DPP10: variants seen among roughly 807,000 people sequenced by gnomAD.
DPP10 encodes the protein inactive dipeptidyl peptidase 10.
In DPP10, 33 loss-of-function variants were observed where a neutral mutation model predicts 120.9. The ratio of observed to expected loss-of-function variants is 0.27; its 90% CI spans 0.21 to 0.37. DPP10 has a LOEUF of 0.37. DPP10 is among the 10% of genes least tolerant of loss of function. The probability of loss-of-function intolerance (pLI) is 1.00; values close to 1 mark genes in which losing one functional copy is unlikely to be tolerated. For missense variants in DPP10, 816 were observed against 942.8 expected (o/e 0.87, Z 1.76); for synonymous variants, 337 against 326.1 (o/e 1.03, Z -0.36).
intron 1 of DPP10, among the ~76,000 whole-genome samples, chr2:114,893,668 T>G (rs1328022530): frequency 6.6e-6 from 1 of 152,160 alleles, no homozygotes; most frequent in East Asian, 1.9e-4. Context: ...AAGTTTGATC[T>G]TTACTTCATA....
At chr2:115,801,637 C>T (rs926271712) in intron 19 of DPP10, among the ~76,000 whole-genome samples, 3 of 152,088 alleles carry the variant, frequency 2.0e-5, no homozygotes, top group Non-Finnish European at 2.9e-5. Flanking sequence ...GAGTTTTTAG[C>T]ATGAAGCGCT....
chr2:115,703,317 G>A (rs1318651516), intron 7 of DPP10, among the ~76,000 whole-genome samples: 2 of 151,832 alleles, frequency 1.3e-5, no homozygotes, highest in African/African-American at 4.8e-5. Context: ...TTCCAGTTTT[G>A]TTTAAGTTTT....
intron 1 of DPP10, among the ~76,000 whole-genome samples, chr2:115,233,038 C>CTTCTTA (rs1559284867): frequency 1.9e-5 from 2 of 103,248 alleles, no homozygotes; most frequent in East Asian, 8.0e-4. Flanking sequence ...TGTCTATCGT[C>CTTCTTA]ATCTTAATCT....
At chr2:114,930,943 G>A (rs1696025331) in intron 1 of DPP10, among the ~76,000 whole-genome samples, 1 of 152,192 alleles carries the variant, frequency 6.6e-6, no homozygotes, top group African/African-American at 2.4e-5. Flanking sequence ...TTACCCCCAT[G>A]TCTCAAACAC....
At chr2:114,684,090 C>A (rs190788998) in intron 1 of DPP10, among the ~76,000 whole-genome samples, 139 of 152,014 alleles carry the variant, frequency 9.1e-4, no homozygotes, top group African/African-American at 3.1e-3. Flanking sequence ...GTCTCCATAC[C>A]CAGTAAGTCA....
intron 5 of DPP10, among the ~76,000 whole-genome samples, chr2:115,634,177 C>T (rs920393662): frequency 1.3e-5 from 2 of 152,098 alleles, no homozygotes; most frequent in Non-Finnish European, 2.9e-5. Flanking sequence ...TTCTGTTTAA[C>T]AGCTCCTTCT....
At chr2:114,881,326 A>T (rs984960757) in intron 1 of DPP10, among the ~76,000 whole-genome samples, 1 of 152,122 alleles carries the variant, frequency 6.6e-6, no homozygotes, top group Admixed American at 6.6e-5. Flanking sequence ...TAATATTCAG[A>T]TGCCAAAAAA....
chr2:114,959,968 A>G (rs977946082), intron 1 of DPP10, among the ~76,000 whole-genome samples: 5 of 152,192 alleles, frequency 3.3e-5, no homozygotes, highest in Admixed American at 3.3e-4. Context: ...TGAGGATTCT[A>G]CAAACTAGTT....
chr2:115,125,720 C>T (rs2050045020), intron 1 of DPP10, among the ~76,000 whole-genome samples: 1 of 151,848 alleles, frequency 6.6e-6, no homozygotes, highest in Admixed American at 6.6e-5. Context: ...TACAGGTGCC[C>T]TCCACCACAC....
intron 19 of DPP10, among the ~76,000 whole-genome samples, chr2:115,793,947 G>A (rs537925111): frequency 6.6e-6 from 1 of 151,656 alleles, no homozygotes; most frequent in East Asian, 1.9e-4. Flanking sequence ...AACATATAAG[G>A]GTCAGAATAG....
At chr2:115,514,182 A>G (rs2077379450) in intron 4 of DPP10, among the ~76,000 whole-genome samples, 1 of 151,932 alleles carries the variant, frequency 6.6e-6, no homozygotes, top group Non-Finnish European at 1.5e-5. Context: ...TGCTGTTTTC[A>G]TTAATTTCTC....
At chr2:115,842,121 A>G in intron 25 of DPP10, 90 bp from the exon 26 acceptor site, 13 of 1,340,270 alleles carry the variant, frequency 9.7e-6, no homozygotes, top group African/African-American at 1.5e-5. Flanking sequence ...TATTACTCAA[A>G]GTTTCCATGA....
At chr2:115,477,305 A>G (rs2075149401) in intron 3 of DPP10, among the ~76,000 whole-genome samples, 1 of 152,206 alleles carries the variant, frequency 6.6e-6, no homozygotes, top group Non-Finnish European at 1.5e-5. Flanking sequence ...AAAAACAATA[A>G]GCAAAGTGAC....
chr2:115,570,366 A>G (rs191481754), intron 5 of DPP10, among the ~76,000 whole-genome samples: 2 of 152,362 alleles, frequency 1.3e-5, no homozygotes, highest in East Asian at 3.9e-4. Context: ...TCACCCTAAC[A>G]GTTTTAATGG....
chr2:114,712,223 G>A (rs952591634), intron 1 of DPP10, among the ~76,000 whole-genome samples: 3 of 152,130 alleles, frequency 2.0e-5, no homozygotes, highest in Non-Finnish European at 4.4e-5. Flanking sequence ...GGGAGGCCAA[G>A]GCATGAGAAT....
chr2:115,195,135 A>G (rs2055170119), intron 1 of DPP10, among the ~76,000 whole-genome samples: 1 of 152,164 alleles, frequency 6.6e-6, no homozygotes, highest in African/African-American at 2.4e-5. Flanking sequence ...GGGGCTCTGT[A>G]ATTTGAAATC....
At chr2:115,795,410 A>C (rs1307697139) in intron 19 of DPP10, among the ~76,000 whole-genome samples, 1 of 152,158 alleles carries the variant, frequency 6.6e-6, no homozygotes, top group Non-Finnish European at 1.5e-5. Flanking sequence ...TCTTGCCTCC[A>C]TGACTTTCTT....
chr2:115,576,718 A>G (rs1229189149), intron 5 of DPP10, among the ~76,000 whole-genome samples: 1 of 152,174 alleles, frequency 6.6e-6, no homozygotes, highest in Non-Finnish European at 1.5e-5. Context: ...TGAGACATCA[A>G]GGTCAATGCA....
chr2:115,768,990 T>C (rs1681134710), intron 13 of DPP10, among the ~76,000 whole-genome samples: 1 of 151,978 alleles, frequency 6.6e-6, no homozygotes, highest in African/African-American at 2.4e-5. Flanking sequence ...AAGGTTACTT[T>C]TTATCTAATC....
Sources: allele counts gnomAD v4.1 joint callset (sites outside exome capture counted in the v4.1 genomes callset), GRCh38; gene constraint gnomAD v4.1.1; transcripts MANE v1.5; gene names NCBI Gene and HGNC (gene_info 2026-07-23, HGNC 2026-07-21).